The following INF2 variants were observed in gnomAD, a reference collection of about 807,000 sequenced individuals.
The protein encoded by INF2 is inverted formin 2, also known as inverted formin-2.
A neutral mutation model predicts 123.5 loss-of-function variants in INF2; 43 were observed. That is an observed-to-expected ratio of 0.35 (90% CI 0.27 to 0.45). The LOEUF (loss-of-function observed/expected upper bound fraction) is 0.45. INF2 is among the 20% of genes least tolerant of loss of function. The pLI is 1.00. For missense variants in INF2, 1,453 were observed against 1,682.7 expected (o/e 0.86, Z 2.39); for synonymous variants, 851 against 745.0 (o/e 1.14, Z -2.32).
rs1006261223 is a variant in INF2 at position 104,699,707 on chromosome 14, G to A, written c.-9-1650G>A. ...CTCCGTTCTACAGTGCCCAGACCAG[G>A]ACCCCCTGCAGGGAGGAGGGGCATC... On this transcript the variant is annotated intron_variant, in intron 1 of 22. Coordinates refer to ENST00000392634, the MANE Select transcript of INF2 (RefSeq NM_022489.4). This position sits in a 1 kb window ranked among gnomAD's most constrained non-coding sequence, Gnocchi z 4.7. The A allele has an allele frequency of 7.3e-6, 4 of 546,560 alleles. No individual in the cohort carries two copies. The highest frequency in any genetic ancestry group is 2.1e-5 in the African/African-American group (1 of 48,488). 33.9% of individuals were successfully genotyped at this position (546,560 alleles called of 1,614,324 possible).
At chr14:104,694,686 G>C (rs1889102133) in intron 1 of INF2, among the ~76,000 whole-genome samples, 2 of 152,180 alleles carry the variant, frequency 1.3e-5, no homozygotes, top group Admixed American at 6.5e-5. Context: ...CCCCCACCCT[G>C]GGCCCTGGTA....
At chr14:104,689,574 C>T (rs1276544286), upstream of INF2, 14 of 917,576 alleles carry the variant, frequency 1.5e-5, no homozygotes, top group Non-Finnish European at 1.8e-5. Flanking sequence ...ACGGGCGGGG[C>T]GGCACCTCCT....
chr14:104,716,554 G>A (rs80022508), intron 22 of INF2, among the ~76,000 whole-genome samples: 4,974 of 152,316 alleles, frequency 0.033, 95 homozygotes, highest in Non-Finnish European at 0.052. Context: ...AAAGATGGAC[G>A]TGTCCAGTGC....
intron 1 of INF2, among the ~76,000 whole-genome samples, chr14:104,682,232 A>G (rs1011638330): frequency 6.6e-6 from 1 of 152,150 alleles, no homozygotes; most frequent in Non-Finnish European, 1.5e-5. Flanking sequence ...AGGAGGCAGC[A>G]GTGTGGGGAG....
rs747569209 is a variant in INF2 at position 104,713,558 on chromosome 14, G to A, written c.2992G>A (p.Gly998Arg). The A allele has an allele frequency of 2.2e-5, 35 of 1,612,166 alleles. No individual in the cohort carries two copies. In the Admixed American group the frequency reaches 4.2e-4, roughly 19 times the overall value. ...AGCCCGGGGCCGCGGGGACACCGACGGGGGCAGCAAGGCAGCCTCCATGGA... is the reference window on the plus strand; with the variant it reads ...AGCCCGGGGCCGCGGGGACACCGACAGGGGCAGCAAGGCAGCCTCCATGGA... Reference protein sequence around the residue: ...KTARGRGDTDGGSKAASMDPP... With the variant: ...KTARGRGDTDRGSKAASMDPP... The change falls in exon 20 of 23, where the codon GGG becomes AGG. Residue 998 changes from glycine to arginine, a missense_variant. Gly to Arg is a moderately radical substitution (Grantham distance 125). Transcript: ENST00000392634.
chr14:104,706,033 A>G lies in INF2; in HGVS notation c.702-2A>G. The G allele has an allele frequency of 6.2e-7, 1 of 1,611,444 alleles. No homozygotes were observed. The highest frequency in any genetic ancestry group is 8.5e-7 in the Non-Finnish European group (1 of 1,179,264). The stretch of plus-strand genomic sequence containing the variant: ...TTAGCCCACCTGGCCCCTCCTGCAC[A>G]GAGACCTGGAGGATGCCGACCTGCT... On this transcript the variant is annotated splice_acceptor_variant, in intron 5 of 22. Transcript: ENST00000392634. LOFTEE classifies it high-confidence loss of function.
chr14:104,708,451 G>A lies in INF2; in HGVS notation c.1751G>A (p.Trp584Ter). Residue 584 changes from tryptophan (W) to a stop codon, truncating the protein, a stop_gained, in exon 9 of 23, where the codon TGG becomes TAG. Coordinates refer to ENST00000392634, the MANE Select transcript of INF2 (RefSeq NM_022489.4). LOFTEE classifies it high-confidence loss of function. ...CACCCGACAGAGCACAACTCTATGT[G>A]GGCGTCCCTGAGCAGCCCCGACGCC... ...SNVAREHNSMWASLSSPDAEA... is the reference protein window; with the variant it reads ...SNVAREHNSM 6.2e-7 allele frequency: 1 copy of A among 1,612,228 alleles called. No homozygotes were observed. The highest frequency in any genetic ancestry group is 1.1e-5 in the South Asian group (1 of 91,072).
chr14:104,681,851 C>T lies in INF2; in HGVS notation c.-104+269C>T, dbSNP rs561669352. On this transcript the variant is annotated intron_variant, in intron 1 of 2. Transcript: ENST00000674723. The stretch of plus-strand genomic sequence containing the variant: ...GACCCCTGGCCACACCCGGCCTGGA[C>T]GTTGAAGTCTAACTGGGGAGCCAGG... Among the ~76,000 whole-genome samples, 112 of 152,326 alleles carry T rather than the reference C, an allele frequency of 7.4e-4. 1 individual carries two copies. Among genetic ancestry groups the T allele is most frequent in the South Asian group, 4.6e-3 (22 of 4,824 alleles).
intron 5 of INF2, chr14:104,704,230 C>T (rs118092663): frequency 1.5e-5 from 20 of 1,368,870 alleles, no homozygotes; most frequent in South Asian, 1.4e-4. Context: ...AGCTGGAGGC[C>T]GTGATCCTAA....
At chr14:104,704,138 T>G in intron 5 of INF2, 189 bp downstream of exon 5, 1 of 1,451,418 alleles carries the variant, frequency 6.9e-7, no homozygotes, top group African/African-American at 1.4e-5. Context: ...TCACTGTCCC[T>G]GGCAGCTGCC....
upstream of INF2, among the ~76,000 whole-genome samples, chr14:104,685,646 G>A (rs574619937): frequency 6.6e-6 from 1 of 150,946 alleles, no homozygotes; most frequent in South Asian, 2.1e-4. Context: ...GGGGATGGGT[G>A]GATGAGTGGA....
At chr14:104,682,084 T>C (rs1212372591) in intron 1 of INF2, among the ~76,000 whole-genome samples, 1 of 152,298 alleles carries the variant, frequency 6.6e-6, no homozygotes, top group African/African-American at 2.4e-5. Flanking sequence ...CCCCAGTGCC[T>C]GGCGAGGAAT....
At chr14:104,707,178 C>T in intron 7 of INF2, 75 bp from the exon 8 acceptor site, 1 of 1,519,994 alleles carries the variant, frequency 6.6e-7, no homozygotes, top group Non-Finnish European at 8.8e-7. Flanking sequence ...CCGCTTTTTC[C>T]TGCCTCTTCC....
At position 104,702,875 on chromosome 14, in the gene INF2, C is replaced by T. The variant is rs74091142; in HGVS notation, c.392-230C>T. 8.9e-3 allele frequency among the ~76,000 whole-genome samples: 1,359 copies of T among 152,362 alleles called. 20 individuals carry two copies. The highest frequency in any genetic ancestry group is 0.031 in the African/African-American group (1,276 of 41,584). On this transcript the variant is annotated intron_variant, in intron 2 of 22. Coordinates refer to ENST00000392634, the MANE Select transcript of INF2 (RefSeq NM_022489.4). The stretch of plus-strand genomic sequence containing the variant: ...GCCAGTGACAGGATGGGGCAGCTGC[C>T]TCCAAGCCCTTCCCTGCAGGGTCTG...
rs533067584 is a variant in INF2 at position 104,718,875 on chromosome 14, G to A, written c.*82G>A. On this transcript the variant is annotated 3_prime_UTR_variant, in exon 23 of 23. Transcript: ENST00000392634. ...CCATTCTGCCAAGAGAGGCTCTTCT[G>A]GGGGCCAGGCTGGGACTGGGCCCCG... is the stretch of plus-strand genomic sequence containing the variant. 17 of 1,599,828 alleles carry A rather than the reference G, an allele frequency of 1.1e-5. No homozygotes were observed. In the African/African-American group the frequency reaches 1.9e-4, roughly 18 times the overall value.
At chr14:104,710,590 AACAC>A in intron 13 of INF2, 1 of 497,820 alleles carries the variant, frequency 2.0e-6, no homozygotes, top group Middle Eastern at 5.4e-4. Flanking sequence ...ACACCCCCCC[AACAC>A]ACACACCCTC....
upstream of INF2, among the ~76,000 whole-genome samples, chr14:104,687,352 C>T (rs1470288138): frequency 6.6e-6 from 1 of 152,018 alleles, no homozygotes. The surrounding 1 kb of genome is among the most constrained non-coding windows in gnomAD (Gnocchi z 5.6). Context: ...AGTGCTCAAG[C>T]CGGGTTGAAC....
chr14:104,697,893 G>C (rs1208416321), intron 1 of INF2, among the ~76,000 whole-genome samples: 2 of 152,224 alleles, frequency 1.3e-5, no homozygotes, highest in African/African-American at 2.4e-5. Flanking sequence ...CTGCCGGGGG[G>C]GGTGGATGGG....
upstream of INF2, chr14:104,681,140 G>C: frequency 4.3e-6 from 1 of 231,032 alleles, no homozygotes; most frequent in Non-Finnish European, 8.8e-6. Flanking sequence ...GCCATCTGGG[G>C]GGTGGCACCA....
Sources: gnomAD v4.1 joint callset for allele counts (sites outside exome capture counted in the v4.1 genomes callset) on GRCh38, gnomAD v4.1.1 for gene constraint, Gnocchi (gnomAD v3.1) non-coding constraint, MANE v1.5 for transcripts, NCBI Gene and HGNC (gene_info 2026-07-23, HGNC 2026-07-21) for gene names.